The following NBN variants were observed in gnomAD, a reference collection of about 807,000 sequenced individuals.
NBN encodes the protein Nijmegen breakage syndrome 1 (nibrin).
Under a neutral mutation model 90.8 loss-of-function variants are expected in NBN, and 88 were observed. The ratio of observed to expected loss-of-function variants is 0.97; its 90% CI spans 0.82 to 1.16. NBN has a LOEUF of 1.16. Ranked by LOEUF, NBN falls within the 50% of genes most tolerant of loss-of-function variation. NBN has a pLI of 0.00. For synonymous variants in NBN, 328 were observed against 295.1 expected (o/e 1.11, Z -1.14); for missense variants, 894 against 869.6 (o/e 1.03, Z -0.35).
rs748453607 is a variant in NBN at position 89,964,438 on chromosome 8, G to A, written c.966C>T (p.Tyr322=). 1.2e-6 allele frequency: 2 copies of A among 1,613,644 alleles called. No homozygotes were observed. The highest frequency in any genetic ancestry group is 1.7e-6 in the Non-Finnish European group (2 of 1,179,810). Residue 322 remains tyrosine, a synonymous_variant, in exon 8 of 16, where the codon TAC becomes TAT. Transcript: ENST00000265433. Reference sequence around the variant, plus strand: ...TACTGGGATGGCCCTGAGGATCACAGTAATTCTTTGTAGTCATGAAAATCA... The same window carrying A: ...TACTGGGATGGCCCTGAGGATCACAATAATTCTTTGTAGTCATGAAAATCA... ...LAVIFMTTKN[Y]CDPQGHPSTG... is the part of the protein sequence containing the mutation.
chr8:89,949,164 G>T (rs946938591), intron 11 of NBN, among the ~76,000 whole-genome samples: 1 of 152,178 alleles, frequency 6.6e-6, no homozygotes, highest in Non-Finnish European at 1.5e-5. Flanking sequence ...AAAAGGATCA[G>T]TCAGAAGAGC....
At chr8:89,963,747 T>G (rs1811110373) in intron 8 of NBN, among the ~76,000 whole-genome samples, 1 of 152,222 alleles carries the variant, frequency 6.6e-6, no homozygotes, top group Non-Finnish European at 1.5e-5. Context: ...TGTTTCTAAC[T>G]GCTCCACCGG....
chr8:89,979,962 G>T (rs1449121794), intron 4 of NBN, among the ~76,000 whole-genome samples: 3 of 152,090 alleles, frequency 2.0e-5, no homozygotes, highest in African/African-American at 7.2e-5. Flanking sequence ...TTCTGGTAAA[G>T]GTGCATCCCT....
At chr8:89,979,029 C>A (rs1470518009) in intron 4 of NBN, among the ~76,000 whole-genome samples, 1 of 152,186 alleles carries the variant, frequency 6.6e-6, no homozygotes, top group African/African-American at 2.4e-5. Flanking sequence ...CCAGGCTGGA[C>A]TGCAGTGGCG....
intron 4 of NBN, among the ~76,000 whole-genome samples, chr8:89,978,753 T>C (rs972603364): frequency 6.6e-6 from 1 of 152,238 alleles, no homozygotes; most frequent in East Asian, 1.9e-4. Context: ...TTTAGACTAA[T>C]TGTCTTTCAA....
At chr8:89,954,538 A>G (rs918593296) in intron 10 of NBN, among the ~76,000 whole-genome samples, 1 of 151,978 alleles carries the variant, frequency 6.6e-6, no homozygotes, top group Non-Finnish European at 1.5e-5. Context: ...ATTTTACTAA[A>G]AAAAAAAAAC....
At chr8:89,973,591 AATACCTAC>A (rs1811611003) in intron 5 of NBN, among the ~76,000 whole-genome samples, 1 of 152,242 alleles carries the variant, frequency 6.6e-6, no homozygotes, top group African/African-American at 2.4e-5. Context: ...TAGAATTTCA[AATACCTAC>A]ATAAGCCTTT....
chr8:89,974,678 G>A (rs1396021185), intron 5 of NBN, among the ~76,000 whole-genome samples: 1 of 152,100 alleles, frequency 6.6e-6, no homozygotes, highest in Non-Finnish European at 1.5e-5. Context: ...ACAGGAGAGA[G>A]GAACACTGAA....
chr8:89,949,910 G>C, intron 11 of NBN, among the ~76,000 whole-genome samples: 1 of 152,054 alleles, frequency 6.6e-6, no homozygotes, highest in East Asian at 1.9e-4. Flanking sequence ...TGGACTTTCA[G>C]ACAAATTCTT....
chr8:89,937,107 C>T (rs910439550), intron 14 of NBN, 32 bp from the exon 15 acceptor site: 1 of 1,599,974 alleles, frequency 6.3e-7, no homozygotes, highest in African/African-American at 1.3e-5. Context: ...CAAACATTTG[C>T]TCAGTGGTGA....
rs786201965 is a variant in NBN at position 89,943,367 on chromosome 8, C to G, written c.2071-1G>C. On this transcript the variant is annotated splice_acceptor_variant, in intron 13 of 15. Transcript: ENST00000265433. LOFTEE classifies it high-confidence loss of function. ...GTTTTCCTGCTCCAGGATATGTGAC[C>G]TATTGAATAATAAAAGTAGTACAGT... The G allele has an allele frequency of 1.2e-6, 2 of 1,600,664 alleles. No individual in the cohort carries two copies. Among genetic ancestry groups the G allele is most frequent in the Non-Finnish European group, 8.6e-7 (1 of 1,168,162 alleles).
chr8:89,943,894 T>A (rs1810066699), intron 13 of NBN, among the ~76,000 whole-genome samples: 1 of 152,190 alleles, frequency 6.6e-6, no homozygotes, highest in South Asian at 2.1e-4. Flanking sequence ...GAAAATTCCA[T>A]GTGAAAATGC....
chr8:89,952,482 T>C (rs1810487673), intron 11 of NBN, among the ~76,000 whole-genome samples: 1 of 152,172 alleles, frequency 6.6e-6, no homozygotes, highest in Non-Finnish European at 1.5e-5. Flanking sequence ...GTTTTTTGAA[T>C]AGTAGTTGTA....
intron 13 of NBN, among the ~76,000 whole-genome samples, chr8:89,944,579 A>G (rs1275767206): frequency 6.6e-6 from 1 of 152,128 alleles, no homozygotes; most frequent in East Asian, 1.9e-4. Context: ...TCTTTTCACC[A>G]ACCCGCAAGT....
intron 5 of NBN, among the ~76,000 whole-genome samples, chr8:89,974,304 T>A (rs1278548162): frequency 7.1e-6 from 1 of 141,302 alleles, no homozygotes; most frequent in Non-Finnish European, 1.5e-5. Flanking sequence ...TACAGTGACA[T>A]CCACAATTTG....
chr8:89,977,981 T>C (rs1021171906), intron 5 of NBN, among the ~76,000 whole-genome samples: 1 of 152,212 alleles, frequency 6.6e-6, no homozygotes, highest in East Asian at 1.9e-4. Flanking sequence ...GTCTTTCCAT[T>C]TTTTTCTTTA....
chr8:89,950,783 C>G (rs895205087), intron 11 of NBN, among the ~76,000 whole-genome samples: 10 of 152,042 alleles, frequency 6.6e-5, no homozygotes, highest in Non-Finnish European at 1.0e-4. Context: ...TTTGATGGCT[C>G]CCATGTCAAG....
intron 5 of NBN, 33 bp downstream of exon 5, chr8:89,978,187 G>C (rs1281019478): frequency 1.9e-6 from 3 of 1,543,260 alleles, no homozygotes; most frequent in Admixed American, 3.3e-5. Flanking sequence ...TCATATAAGT[G>C]ACATCTTGTT....
chr8:89,950,091 C>T (rs1810378266), intron 11 of NBN, among the ~76,000 whole-genome samples: 1 of 151,932 alleles, frequency 6.6e-6, no homozygotes, highest in African/African-American at 2.4e-5. Flanking sequence ...TTGTCTCAAA[C>T]AGTTTTTAAA....
Sources: allele counts gnomAD v4.1 joint callset (sites outside exome capture counted in the v4.1 genomes callset), GRCh38; gene constraint gnomAD v4.1.1; transcripts MANE v1.5; gene names NCBI Gene and HGNC (gene_info 2026-07-23, HGNC 2026-07-21).